Variants in ZNF577 observed in about 807,000 individuals in gnomAD.
The protein encoded by ZNF577 is zinc finger protein 577.
A neutral mutation model predicts 13.9 loss-of-function variants in ZNF577; 14 were observed. That is an observed-to-expected ratio of 1.00 (90% CI 0.66 to 1.57). The LOEUF (loss-of-function observed/expected upper bound fraction) is 1.57, where lower values mean the gene tolerates loss of function less well. Ranked by LOEUF, ZNF577 falls within the 40% of genes most tolerant of loss-of-function variation. The probability of loss-of-function intolerance (pLI) is 0.00; values close to 1 mark genes in which losing one functional copy is unlikely to be tolerated. For synonymous variants in ZNF577, 203 were observed against 202.9 expected (o/e 1.00, Z 0.00); for missense variants, 555 against 579.2 (o/e 0.96, Z 0.43).
chr19:51,884,079 AAAGAT>A (rs1056690976), intron 1 of ZNF577, among the ~76,000 whole-genome samples: 37 of 152,228 alleles, frequency 2.4e-4, no homozygotes, highest in African/African-American at 8.7e-4. Flanking sequence ...ACTCACCCAA[AAAGAT>A]AAGGAAAGAA....
At chr19:51,878,254 T>C in intron 4 of ZNF577, 135 bp downstream of exon 4, 2 of 961,898 alleles carry the variant, frequency 2.1e-6, no homozygotes, top group Non-Finnish European at 2.9e-6. Flanking sequence ...GTAAATTTTA[T>C]GTTATATATT....
intron 9 of ZNF577, among the ~76,000 whole-genome samples, chr19:51,814,253 T>G (rs1055493196): frequency 6.6e-6 from 1 of 152,156 alleles, no homozygotes; most frequent in African/African-American, 2.4e-5. Context: ...TGATGTTGCT[T>G]AAAATCTCAG....
chr19:51,852,324 G>C (rs2084382909), intron 5 of ZNF577, among the ~76,000 whole-genome samples: 1 of 152,290 alleles, frequency 6.6e-6, no homozygotes, highest in East Asian at 1.9e-4. Flanking sequence ...CACCTTTTCT[G>C]TCCTTTTCCA....
intron 9 of ZNF577, among the ~76,000 whole-genome samples, chr19:51,813,347 A>T (rs1412519252): frequency 1.3e-5 from 2 of 152,102 alleles, no homozygotes. Flanking sequence ...TGAGGGCAGA[A>T]CAATCATAAT....
chr19:51,838,871 T>G (rs2109658), intron 9 of ZNF577, among the ~76,000 whole-genome samples: 58,756 of 151,678 alleles, frequency 0.39, 11,587 homozygotes, highest in South Asian at 0.49. Flanking sequence ...GATCTTTATT[T>G]AAAATCCTCA....
chr19:51,825,462 A>C (rs1044311323), intron 9 of ZNF577: 4 of 166,876 alleles, frequency 2.4e-5, no homozygotes, highest in Admixed American at 2.0e-4. Context: ...TAAGACCCAC[A>C]ATTAGAAAGG....
At chr19:51,838,181 T>C (rs1391165811) in intron 9 of ZNF577, among the ~76,000 whole-genome samples, 2 of 152,194 alleles carry the variant, frequency 1.3e-5, no homozygotes, top group Non-Finnish European at 1.5e-5. Flanking sequence ...TATAATACTA[T>C]TTATAAAACT....
At chr19:51,875,415 C>CA (rs2084743773) in intron 5 of ZNF577, among the ~76,000 whole-genome samples, 1 of 147,886 alleles carries the variant, frequency 6.8e-6, no homozygotes, top group Admixed American at 6.7e-5. Flanking sequence ...CTGGCATAGT[C>CA]AAAAACTAGT....
At position 51,868,278 on chromosome 19, in the gene ZNF577, C is replaced by T. The variant is rs1052251832; in HGVS notation, c.*4254G>A. On this transcript the variant is annotated 3_prime_UTR_variant, in exon 6 of 6. Coordinates refer to ENST00000638348, the MANE Select transcript of ZNF577 (RefSeq NM_001370449.1). ...CAGTTGTTAATAGGCCAGTTCCGGA[C>T]ACTCCATAGGACACAGACACCTACA... 6.6e-6 allele frequency among the ~76,000 whole-genome samples: 1 copy of T among 152,094 alleles called. No homozygotes were observed. Among genetic ancestry groups the T allele is most frequent in the African/African-American group, 2.4e-5 (1 of 41,404 alleles).
At position 51,845,783 on chromosome 19, in the gene ZNF577, T is replaced by G. The variant is rs796520755; in HGVS notation, c.284-852A>C. ...ATAATGTATTCCAAGTTCATCTATG[T>G]TGTCACCAAGTGACAGGATTTCCTT... On this transcript the variant is annotated intron_variant and NMD_transcript_variant, in intron 5 of 10. Coordinates refer to the ZNF577 transcript ENST00000638827. Among the ~76,000 whole-genome samples, 165 of 152,358 alleles carry G rather than the reference T, an allele frequency of 1.1e-3. 1 individual carries two copies. The highest frequency in any genetic ancestry group is 3.8e-3 in the African/African-American group (158 of 41,580).
chr19:51,838,112 T>C (rs1395393222), intron 9 of ZNF577, among the ~76,000 whole-genome samples: 1 of 152,212 alleles, frequency 6.6e-6, no homozygotes, highest in Non-Finnish European at 1.5e-5. Flanking sequence ...ATGAGTGTTG[T>C]TTCACACTGC....
chr19:51,879,440 G>A (rs928665207), intron 3 of ZNF577, among the ~76,000 whole-genome samples: 5 of 151,306 alleles, frequency 3.3e-5, no homozygotes, highest in African/African-American at 7.3e-5. Context: ...GTGGTGGCAC[G>A]CACCTGTAAT....
chr19:51,884,894 G>T lies in ZNF577; in HGVS notation c.-219+1927C>A, dbSNP rs547708540. Among the ~76,000 whole-genome samples, 12 of 152,288 alleles carry T rather than the reference G, an allele frequency of 7.9e-5. No homozygotes were observed. The South Asian group carries it at 2.5e-3, about 32-fold the overall frequency. On this transcript the variant is annotated intron_variant, in intron 1 of 5. Transcript: ENST00000638348. ...TTCTGACAAGAAAACAGCATGTTCT[G>T]AATTGATAGTTCCAAAAAGTCACAT...
intron 5 of ZNF577, among the ~76,000 whole-genome samples, chr19:51,857,419 AAAG>A (rs2084444949): frequency 1.7e-5 from 2 of 115,346 alleles, no homozygotes; most frequent in Admixed American, 8.6e-5. Flanking sequence ...AGAAAGAAAG[AAAG>A]AAAGAAAAGA....
chr19:51,848,009 T>C (rs1049554673), intron 5 of ZNF577, among the ~76,000 whole-genome samples: 4 of 152,182 alleles, frequency 2.6e-5, no homozygotes, highest in Non-Finnish European at 4.4e-5. Flanking sequence ...AGCCCTGACA[T>C]GCTGTTGGAA....
At chr19:51,806,375 G>A (rs1200646077) in intron 10 of ZNF577, among the ~76,000 whole-genome samples, 2 of 152,164 alleles carry the variant, frequency 1.3e-5, no homozygotes, top group Non-Finnish European at 2.9e-5. Flanking sequence ...TTCTTCTGGG[G>A]ATTTCCATAA....
In ZNF577 at chr19:51,867,736, G is replaced by A. The variant is rs1258325136; in HGVS notation, c.*4796C>T. ...GAAGGTGGAGGTTGCAGTGACCCAC[G>A]ATTACGCCACTGCACTCCAGCCTGG... On this transcript the variant is annotated 3_prime_UTR_variant, in exon 6 of 6. Transcript: ENST00000638348. Among the ~76,000 whole-genome samples, 3 of 152,120 alleles carry A rather than the reference G, an allele frequency of 2.0e-5. No individual in the cohort carries two copies. The East Asian group carries it at 5.8e-4, about 29-fold the overall frequency.
At chr19:51,831,274 G>C (rs919207382) in intron 9 of ZNF577, among the ~76,000 whole-genome samples, 2 of 152,012 alleles carry the variant, frequency 1.3e-5, no homozygotes, top group East Asian at 3.9e-4. Context: ...ATGCCACCCC[G>C]CCTGGCTAAT....
intron 5 of ZNF577, 24 bp from the exon 6 acceptor site, chr19:51,873,730 C>T (rs753230455): frequency 3.3e-6 from 5 of 1,534,766 alleles, no homozygotes; most frequent in African/African-American, 1.4e-5. Context: ...CAAACTTTTA[C>T]AATGCGAGCC....
Sources: allele counts gnomAD v4.1 joint callset (sites outside exome capture counted in the v4.1 genomes callset), GRCh38; gene constraint gnomAD v4.1.1; transcripts MANE v1.5; gene names NCBI Gene and HGNC (gene_info 2026-07-23, HGNC 2026-07-21).